Variants in NRG3 observed in about 807,000 individuals in gnomAD.
NRG3 encodes pro-neuregulin-3, membrane-bound isoform.
A neutral mutation model predicts 66.9 loss-of-function variants in NRG3; 31 were observed. The observed-to-expected ratio is 0.46, with a 90% CI of 0.35 to 0.63. The LOEUF is 0.63. NRG3 is among the 20% of genes least tolerant of loss of function. The pLI, the probability that NRG3 is intolerant of heterozygous loss-of-function variation, is 0.00. For missense variants in NRG3, 910 were observed against 878.9 expected (o/e 1.04, Z -0.45); for synonymous variants, 393 against 359.4 (o/e 1.09, Z -1.06).
intron 1 of NRG3, among the ~76,000 whole-genome samples, chr10:82,295,756 A>G (rs2134676518): frequency 6.6e-6 from 1 of 152,264 alleles, no homozygotes; most frequent in East Asian, 1.9e-4. Context: ...TATTTATACT[A>G]TGTATATTTT....
chr10:82,168,729 A>G (rs2072311255), intron 1 of NRG3, among the ~76,000 whole-genome samples: 1 of 152,156 alleles, frequency 6.6e-6, no homozygotes, highest in South Asian at 2.1e-4. Context: ...ATGTGAGAGA[A>G]AGTTCTGTTT....
At chr10:81,947,959 TA>T (rs1186838442) in intron 1 of NRG3, among the ~76,000 whole-genome samples, 3 of 152,158 alleles carry the variant, frequency 2.0e-5, no homozygotes, top group African/African-American at 7.2e-5. Context: ...GTTTCCATTT[TA>T]AAAATAGGAG....
At chr10:82,838,414 C>T (rs1258611886) in intron 3 of NRG3, among the ~76,000 whole-genome samples, 2 of 152,106 alleles carry the variant, frequency 1.3e-5, no homozygotes, top group African/African-American at 4.8e-5. Flanking sequence ...TTAAACCTCT[C>T]ATTTTATGGT....
chr10:82,288,902 C>A (rs1399951300), intron 1 of NRG3, among the ~76,000 whole-genome samples: 1 of 152,194 alleles, frequency 6.6e-6, no homozygotes, highest in Non-Finnish European at 1.5e-5. Context: ...ACCTATAAAT[C>A]CACGTTTGGT....
chr10:82,293,732 C>G (rs921128611), intron 1 of NRG3, among the ~76,000 whole-genome samples: 1 of 151,944 alleles, frequency 6.6e-6, no homozygotes, highest in African/African-American at 2.4e-5. Flanking sequence ...TAGAAGCTGC[C>G]TTAAATCTCT....
At chr10:82,654,273 G>A (rs977213766) in intron 2 of NRG3, among the ~76,000 whole-genome samples, 1 of 152,106 alleles carries the variant, frequency 6.6e-6, no homozygotes, top group Non-Finnish European at 1.5e-5. Flanking sequence ...CTTTTTGGCA[G>A]GTAGTTAAGA....
chr10:82,509,283 G>A (rs1844957431), intron 2 of NRG3, among the ~76,000 whole-genome samples: 1 of 152,236 alleles, frequency 6.6e-6, no homozygotes, highest in East Asian at 1.9e-4. Flanking sequence ...TATGTAGGTA[G>A]ACTCATGTTG....
At chr10:82,451,937 G>A (rs1427849297) in intron 2 of NRG3, among the ~76,000 whole-genome samples, 1 of 152,100 alleles carries the variant, frequency 6.6e-6, no homozygotes, top group Non-Finnish European at 1.5e-5. Context: ...GGTTCTATAG[G>A]TTTGACAATT....
intron 1 of NRG3, among the ~76,000 whole-genome samples, chr10:81,951,600 C>T (rs1849360831): frequency 1.3e-5 from 2 of 152,138 alleles, no homozygotes; most frequent in Non-Finnish European, 2.9e-5. Flanking sequence ...TTTTGTTGAT[C>T]TCTAACCTAT....
intron 1 of NRG3, among the ~76,000 whole-genome samples, chr10:82,057,846 T>G (rs2063926364): frequency 6.6e-6 from 1 of 152,182 alleles, no homozygotes; most frequent in African/African-American, 2.4e-5. Context: ...GCCTTCTACC[T>G]TAGTTCCTTA....
intron 3 of NRG3, among the ~76,000 whole-genome samples, chr10:82,835,884 G>A (rs1318463953): frequency 1.3e-5 from 2 of 152,126 alleles, no homozygotes; most frequent in Non-Finnish European, 1.5e-5. Context: ...TACACTCAGA[G>A]TGATCTCTCT....
chr10:81,950,779 C>G (rs1223748701), intron 1 of NRG3, among the ~76,000 whole-genome samples: 1 of 152,178 alleles, frequency 6.6e-6, no homozygotes, highest in East Asian at 1.9e-4. Context: ...CCCAACACAG[C>G]TATAAAAGGC....
At chr10:82,646,050 TG>T (rs2050907842) in intron 2 of NRG3, among the ~76,000 whole-genome samples, 1 of 152,136 alleles carries the variant, frequency 6.6e-6, no homozygotes, top group Non-Finnish European at 1.5e-5. Flanking sequence ...ATATGACACT[TG>T]ACATAGAATT....
At chr10:82,404,455 C>T (rs918110003) in intron 2 of NRG3, among the ~76,000 whole-genome samples, 4 of 152,138 alleles carry the variant, frequency 2.6e-5, no homozygotes, top group African/African-American at 9.7e-5. Context: ...GAGGCACAGC[C>T]TTGCCAAAGT....
At chr10:82,943,915 A>G (rs1303612082) in intron 4 of NRG3, among the ~76,000 whole-genome samples, 1 of 152,206 alleles carries the variant, frequency 6.6e-6, no homozygotes, top group Non-Finnish European at 1.5e-5. Context: ...CTCATTATAA[A>G]CATACTTGAT....
intron 2 of NRG3, among the ~76,000 whole-genome samples, chr10:82,644,549 A>G (rs549617645): frequency 6.6e-6 from 1 of 152,310 alleles, no homozygotes; most frequent in East Asian, 1.9e-4. Context: ...TGAGGAAACT[A>G]GTGAGACATT....
chr10:82,831,334 G>A (rs1019113901), intron 3 of NRG3, among the ~76,000 whole-genome samples: 1 of 152,136 alleles, frequency 6.6e-6, no homozygotes, highest in African/African-American at 2.4e-5. Context: ...CTGATCCAAA[G>A]CCTATAAGGA....
At chr10:82,583,529 A>G (rs966167565) in intron 2 of NRG3, among the ~76,000 whole-genome samples, 3 of 152,262 alleles carry the variant, frequency 2.0e-5, no homozygotes, top group African/African-American at 4.8e-5. Flanking sequence ...TGTGTTTGTC[A>G]TAACTACTTG....
chr10:82,018,494 G>T (rs1398326674), intron 1 of NRG3, among the ~76,000 whole-genome samples: 5 of 152,098 alleles, frequency 3.3e-5, no homozygotes, highest in African/African-American at 1.2e-4. Flanking sequence ...AGCTTGATGG[G>T]GATGGCATCG....
Sources: allele counts gnomAD v4.1 joint callset (sites outside exome capture counted in the v4.1 genomes callset), GRCh38; gene constraint gnomAD v4.1.1; transcripts MANE v1.5; gene names NCBI Gene and HGNC (gene_info 2026-07-23, HGNC 2026-07-21).